PFKM: variants seen among roughly 807,000 people sequenced by gnomAD.
PFKM encodes phosphofructokinase, muscle, also known as ATP-dependent 6-phosphofructokinase, muscle type.
In PFKM, 58 loss-of-function variants were observed where a neutral mutation model predicts 95.5. The ratio of observed to expected loss-of-function variants is 0.61; its 90% CI spans 0.49 to 0.76. The LOEUF is 0.76. PFKM is among the 30% of genes least tolerant of loss of function. The pLI, the probability that PFKM is intolerant of heterozygous loss-of-function variation, is 0.00. For synonymous variants in PFKM, 336 were observed against 357.2 expected (o/e 0.94, Z 0.67); for missense variants, 678 against 1,005.4 (o/e 0.67, Z 4.40).
chr12:48,118,286 G>A (rs930930781), upstream of PFKM, among the ~76,000 whole-genome samples: 5 of 152,180 alleles, frequency 3.3e-5, no homozygotes, highest in Admixed American at 3.3e-4. Flanking sequence ...CATTCTTAAT[G>A]AGTTGCAAAT....
At chr12:48,140,961 C>A in intron 14 of PFKM, 90 bp downstream of exon 14, 1 of 1,326,096 alleles carries the variant, frequency 7.5e-7, no homozygotes, top group Non-Finnish European at 1.1e-6. Flanking sequence ...TTCCTCTGTT[C>A]CTCACTACCT....
chr12:48,109,604 G>A (rs1947014870), intron 3 of PFKM, among the ~76,000 whole-genome samples: 1 of 152,066 alleles, frequency 6.6e-6, no homozygotes, highest in African/African-American at 2.4e-5. Context: ...TTGCTCTGAT[G>A]ACTCATTTGG....
intron 17 of PFKM, chr12:48,142,384 A>T: frequency 4.6e-6 from 2 of 439,238 alleles, no homozygotes; most frequent in South Asian, 4.2e-5. Flanking sequence ...GAGGCAGGAA[A>T]ATTGCTTGAA....
rs1229166145 is a variant in PFKM, at chr12:48,134,713, C to T, written c.639-8C>T. 2.5e-6 allele frequency: 4 copies of T among 1,586,822 alleles called. No homozygotes were observed. The highest frequency in any genetic ancestry group is 1.7e-5 in the Admixed American group (1 of 59,978). On this transcript the variant is annotated splice_polypyrimidine_tract_variant and splice_region_variant and intron_variant, in intron 7 of 22. Coordinates refer to ENST00000359794, the MANE Select transcript of PFKM (RefSeq NM_000289.6). Reference sequence around the variant, plus strand: ...CTTCTAGCAGGATGCTTCTGACTCTCATCTCAGATACCTGGCCCTTGTCAC... The same window carrying T: ...CTTCTAGCAGGATGCTTCTGACTCTTATCTCAGATACCTGGCCCTTGTCAC...
chr12:48,144,917 C>T, intron 20 of PFKM, 114 bp from the exon 21 acceptor site: 1 of 782,316 alleles, frequency 1.3e-6, no homozygotes, highest in Non-Finnish European at 2.2e-6. Context: ...TTCTGGATTC[C>T]TGTTTTGGGC....
At chr12:48,120,752 G>A (rs1363707252) in intron 1 of PFKM, among the ~76,000 whole-genome samples, 1 of 152,162 alleles carries the variant, frequency 6.6e-6, no homozygotes, top group Non-Finnish European at 1.5e-5. Flanking sequence ...ACAGCTTACT[G>A]CCATACAAAA....
In PFKM at chr12:48,122,832, G is replaced by A. The variant is rs750247924; in HGVS notation, c.58G>A (p.Val20Ile). Residue 20 changes from valine (V) to isoleucine (I), a missense_variant, in exon 2 of 23, where the codon GTC becomes ATC. Physicochemically the swap from Val to Ile is conservative, Grantham distance 29. Transcript: ENST00000359794. ...KTLGIGKAIA[V>I]LTSGGDAQGM... The stretch of plus-strand genomic sequence containing the variant: ...CCTGGGGATTGGCAAAGCCATTGCT[G>A]TCTTAACCTCTGGTGGAGATGCCCA... 14 of 1,614,150 alleles carry A rather than the reference G, an allele frequency of 8.7e-6. No individual in the cohort carries two copies. The highest frequency in any genetic ancestry group is 1.2e-5 in the Non-Finnish European group (14 of 1,179,972).
intron 20 of PFKM, 39 bp downstream of exon 20, chr12:48,144,196 C>A: frequency 1.5e-6 from 2 of 1,333,806 alleles, no homozygotes; most frequent in South Asian, 2.3e-5. Flanking sequence ...CATCAGACAG[C>A]CATACCTGCC....
intron 1 of PFKM, chr12:48,122,528 C>G (rs1356262673): frequency 1.5e-6 from 2 of 1,315,672 alleles, no homozygotes; most frequent in African/African-American, 1.5e-5. Flanking sequence ...TGGGAGGGAT[C>G]AGGGAGGAAT....
chr12:48,119,012 G>T (rs947402971), upstream of PFKM, among the ~76,000 whole-genome samples: 8 of 152,298 alleles, frequency 5.3e-5, no homozygotes, highest in East Asian at 1.4e-3. Flanking sequence ...GAAGATGTTG[G>T]AATGCAAGGT....
At position 48,107,386 on chromosome 12, in the gene PFKM, G is replaced by A. The variant is rs190392934; in HGVS notation, c.13G>A (p.Glu5Lys). 10 of 1,597,508 alleles carry A rather than the reference G, an allele frequency of 6.3e-6. No individual in the cohort carries two copies. In the African/African-American group the frequency reaches 9.3e-5, roughly 15 times the overall value. The change falls in exon 2 of 25, where the codon GAG (glutamate) becomes AAG (lysine). Residue 5 changes from glutamate (E) to lysine (K), a missense_variant. Glu to Lys is a moderately conservative substitution (Grantham distance 56, BLOSUM62 1). Transcript: ENST00000340802. ...CTAGGAGGCAGCCATGCATAAAGAC[G>A]AGTTTCATCTGAAATTTTTCATGTG...
chr12:48,120,144 CT>C (rs1234199877), intron 1 of PFKM, among the ~76,000 whole-genome samples: 1 of 152,104 alleles, frequency 6.6e-6, no homozygotes, highest in Non-Finnish European at 1.5e-5. Flanking sequence ...CTTAATCTTT[CT>C]TTTTGGAAAA....
Position 48,137,706 on chromosome 12 carries a change from T to C in PFKM, c.937-15T>C, listed in dbSNP as rs763225987. On this transcript the variant is annotated splice_polypyrimidine_tract_variant and intron_variant, in intron 10 of 22. Transcript: ENST00000359794. ...AGCCTGAGCCAGACTGTCTTTGTTC[T>C]CTGGGCTCCTGCAGGGCAGCAGGAT... 2.1e-5 allele frequency: 34 copies of C among 1,614,004 alleles called. No individual in the cohort carries two copies. In the Admixed American group the frequency reaches 3.2e-4, roughly 15 times the overall value.
intron 2 of PFKM, among the ~76,000 whole-genome samples, chr12:48,126,895 C>G (rs1948903936): frequency 6.6e-6 from 1 of 152,186 alleles, no homozygotes; most frequent in Non-Finnish European, 1.5e-5. Flanking sequence ...TGACTTTTGA[C>G]CTTGTTCCTT....
At chr12:48,118,335 A>G (rs1297485975), upstream of PFKM, 1 of 593,688 alleles carries the variant, frequency 1.7e-6, no homozygotes, top group East Asian at 2.9e-5. Flanking sequence ...CCCTTATCAG[A>G]TACATGATTT....
intron 7 of PFKM, 74 bp from the exon 8 acceptor site, chr12:48,134,647 A>G (rs1949892827): frequency 9.4e-7 from 1 of 1,062,106 alleles, no homozygotes; most frequent in African/African-American, 1.6e-5. Flanking sequence ...GAGGACTAGG[A>G]GAACTTGTTG....
In PFKM at chr12:48,142,961, A is replaced by G. The variant is rs576698869; in HGVS notation, c.1818+15A>G. The G allele has an allele frequency of 1.2e-5, 20 of 1,610,566 alleles. No individual in the cohort carries two copies. The South Asian group carries it at 1.8e-4, about 14-fold the overall frequency. ...GAGACCTGCAGGTAGCTGGCCACCC[A>G]GAGCCTGCTAGATAGCTCTCCCCTG... is the stretch of plus-strand genomic sequence containing the variant. On this transcript the variant is annotated intron_variant, in intron 18 of 22. Transcript: ENST00000359794.
chr12:48,140,869 C>A lies in PFKM; in HGVS notation c.1339C>A (p.Gln447Lys), dbSNP rs145040928. 5,474 of 1,614,022 alleles carry A rather than the reference C, an allele frequency of 3.4e-3. 14 individuals carry two copies. Among genetic ancestry groups the A allele is most frequent in the Non-Finnish European group, 4.1e-3 (4,840 of 1,179,992 alleles). The change falls in exon 14 of 23, where the codon CAG (glutamine) becomes AAG (lysine). Residue 447 changes from glutamine to lysine, a missense_variant and splice_region_variant. Physicochemically the swap from Gln to Lys is moderately conservative, Grantham distance 53. Coordinates refer to ENST00000359794, the MANE Select transcript of PFKM (RefSeq NM_000289.6). ...HDGFEGLAKG[Q>K]IEEAGWSYVG... ...TGGTTTCGAGGGCCTGGCCAAGGGG[C>A]AGGTATGGGGACTATTCTGGGACCT...
intron 18 of PFKM, among the ~76,000 whole-genome samples, chr12:48,143,363 G>T (rs1378509427): frequency 6.6e-6 from 1 of 151,800 alleles, no homozygotes; most frequent in Non-Finnish European, 1.5e-5. Context: ...GATTTCCCTT[G>T]CTGTCATTCT....
Sources: gnomAD v4.1 joint callset for allele counts (sites outside exome capture counted in the v4.1 genomes callset) on GRCh38, gnomAD v4.1.1 for gene constraint, MANE v1.5 for transcripts, NCBI Gene and HGNC (gene_info 2026-07-23, HGNC 2026-07-21) for gene names.